The following TIAM2 variants were observed in gnomAD, a reference collection of about 807,000 sequenced individuals.
The protein encoded by TIAM2 is TIAM Rac1 associated GEF 2, also known as rho guanine nucleotide exchange factor TIAM2.
TIAM2 carries 80 observed loss-of-function variants against 152.9 expected under a neutral mutation model. The observed-to-expected ratio is 0.52, with a 90% CI of 0.44 to 0.63. TIAM2 has a LOEUF of 0.63. TIAM2 is among the 30% of genes least tolerant of loss of function. The probability of loss-of-function intolerance (pLI) is 0.00; values close to 1 mark genes in which losing one functional copy is unlikely to be tolerated. For missense variants in TIAM2, 1,965 were observed against 2,120.1 expected (o/e 0.93, Z 1.44); for synonymous variants, 804 against 838.0 (o/e 0.96, Z 0.70).
intron 21 of TIAM2, chr6:155,250,414 C>A (rs1274921628): frequency 6.3e-6 from 4 of 639,486 alleles, no homozygotes; most frequent in African/African-American, 5.6e-5. Flanking sequence ...AATTTAGAAT[C>A]TTGTGCTTCT....
chr6:155,217,761 G>A (rs985570141), intron 15 of TIAM2, among the ~76,000 whole-genome samples: 1 of 152,192 alleles, frequency 6.6e-6, no homozygotes, highest in African/African-American at 2.4e-5. Flanking sequence ...CGTGACAACT[G>A]TGTGTTGTGC....
chr6:155,030,830 A>C (rs1335107368), intron 1 of TIAM2, among the ~76,000 whole-genome samples: 1 of 152,184 alleles, frequency 6.6e-6, no homozygotes, highest in Non-Finnish European at 1.5e-5. Context: ...CCAGACAATG[A>C]GATTAAATCT....
At chr6:155,143,618 T>C (rs1779760458) in intron 5 of TIAM2, among the ~76,000 whole-genome samples, 1 of 152,204 alleles carries the variant, frequency 6.6e-6, no homozygotes, top group Non-Finnish European at 1.5e-5. Context: ...CTAGGTATGT[T>C]CAGTTTCTTG....
rs1779327480 is a variant in TIAM2 at position 155,127,618 on chromosome 6, G to T, written c.-7+18G>T. On this transcript the variant is annotated intron_variant, in intron 3 of 26. Coordinates refer to ENST00000682666, the MANE Select transcript of TIAM2 (RefSeq NM_012454.4). ...GACGTCAGGTAAACCCAACCCTTGT[G>T]CCTGGGGGTCACGTCAAGTTGCATG... 2.2e-6 allele frequency: 1 copy of T among 456,000 alleles called. No individual in the cohort carries two copies. Among genetic ancestry groups the T allele is most frequent in the Non-Finnish European group, 4.4e-6 (1 of 226,800 alleles). The allele number at this position is 456,000 out of a possible 1,614,324, so 28.2% of individuals were successfully genotyped here. A position where few individuals can be genotyped will look rare whatever the true frequency, so the allele number is the denominator to read the frequency against.
At chr6:155,052,776 A>C (rs78988049) in intron 1 of TIAM2, among the ~76,000 whole-genome samples, 2 of 49,558 alleles carry the variant, frequency 4.0e-5, no homozygotes, top group African/African-American at 1.5e-4. Context: ...TCCATCTCAA[A>C]AAAAAAAAAA....
intron 1 of TIAM2, among the ~76,000 whole-genome samples, chr6:155,086,029 A>G (rs1221524330): frequency 6.6e-6 from 1 of 152,208 alleles, no homozygotes; most frequent in East Asian, 1.9e-4. Context: ...TCTCCCTTAA[A>G]ATGGGACTTT....
At chr6:155,187,907 T>G (rs972055316) in intron 14 of TIAM2, among the ~76,000 whole-genome samples, 1 of 152,044 alleles carries the variant, frequency 6.6e-6, no homozygotes, top group Non-Finnish European at 1.5e-5. Context: ...TGCGCAGGTG[T>G]GGAAAGCAGC....
rs570399633 is a variant in TIAM2, at chr6:155,155,013, A to G, written c.2028+6679A>G. Among the ~76,000 whole-genome samples the G allele has an allele frequency of 7.9e-5, 12 of 152,314 alleles. No individual in the cohort carries two copies. The East Asian group carries it at 2.1e-3, about 27-fold the overall frequency. On this transcript the variant is annotated intron_variant, in intron 7 of 26. Coordinates refer to ENST00000682666, the MANE Select transcript of TIAM2 (RefSeq NM_012454.4). ...GGGGAAGCAGTTTGAGGAACAAACC[A>G]CTGGAGTGTAGCATATTTGTGAGGG...
intron 1 of TIAM2, among the ~76,000 whole-genome samples, chr6:155,087,753 A>G (rs1469478439): frequency 6.6e-6 from 1 of 152,196 alleles, no homozygotes; most frequent in Non-Finnish European, 1.5e-5. Context: ...CATCTCAAAA[A>G]ATGAAATAAA....
chr6:155,106,267 C>T (rs4307182), intron 2 of TIAM2, among the ~76,000 whole-genome samples: 1 of 151,800 alleles, frequency 6.6e-6, no homozygotes, highest in East Asian at 1.9e-4. Flanking sequence ...GGCCTCCCAA[C>T]GTGCTGGGAT....
At chr6:155,146,457 C>T (rs1779820508) in intron 6 of TIAM2, among the ~76,000 whole-genome samples, 1 of 152,132 alleles carries the variant, frequency 6.6e-6, no homozygotes, top group Admixed American at 6.6e-5. Flanking sequence ...GACCCTGTGA[C>T]TCGAATGTGT....
At chr6:155,232,752 G>C (rs1782541018) in intron 15 of TIAM2, 1 of 152,150 alleles carries the variant, frequency 6.6e-6, no homozygotes, top group Non-Finnish European at 1.5e-5. Context: ...AGATCATACT[G>C]CAAAGTGACG....
intron 2 of TIAM2, among the ~76,000 whole-genome samples, chr6:155,110,457 T>C (rs936194533): frequency 2.6e-5 from 4 of 152,130 alleles, no homozygotes; most frequent in Non-Finnish European, 5.9e-5. Context: ...TCCCATAGCC[T>C]AGTCAAATTC....
At position 155,250,921 on chromosome 6, in the gene TIAM2, A is replaced by C. The variant is rs1291221482; in HGVS notation, c.3960A>C (p.Glu1320Asp). The change falls in exon 22 of 27, where the codon GAA (glutamate) becomes GAC (aspartate). Residue 1320 changes from glutamate to aspartate, a missense_variant. Glu to Asp is a conservative substitution (Grantham distance 45). Transcript: ENST00000682666. The part of the protein sequence containing the change: ...EQSGTEKEVT[E>D]LSMGELLMHS... ...CTGTTTTTACAATCTAGGTAACAGA[A>C]CTTTCGATGGGAGAGCTTCTGATGC... 8.1e-6 allele frequency: 13 copies of C among 1,614,062 alleles called. No homozygotes were observed. The highest frequency in any genetic ancestry group is 1.1e-5 in the South Asian group (1 of 91,090).
At chr6:155,250,772 G>T (rs1783606972) in intron 21 of TIAM2, 141 bp from the exon 22 acceptor site, 4 of 1,116,734 alleles carry the variant, frequency 3.6e-6, no homozygotes, top group Admixed American at 2.1e-5. Context: ...ACCGTTTAAG[G>T]CCCCATGTTT....
chr6:155,256,562 T>C lies in TIAM2; in HGVS notation c.4547T>C (p.Leu1516Pro), dbSNP rs1325668535. Reference protein sequence around the residue: ...WTGETGKGTLLDSDEGSLSSG... With the variant: ...WTGETGKGTLPDSDEGSLSSG... ...GGTGAGACTGGCAAGGGAACCTTGC[T>C]GGACTCTGACGAGGGCAGCTTGAGC... is the stretch of plus-strand genomic sequence containing the variant. The change falls in exon 27 of 27, where the codon CTG (leucine) becomes CCG (proline). Residue 1516 changes from leucine (L) to proline (P), a missense_variant. Physicochemically the swap from Leu to Pro is moderately conservative, Grantham distance 98. Around this residue, in one of 3 missense-constraint regions of TIAM2, gnomAD observed 935 missense variants for 980.0 expected, o/e 0.95. Transcript: ENST00000682666. 1.9e-6 allele frequency: 3 copies of C among 1,614,220 alleles called. No homozygotes were observed. The highest frequency in any genetic ancestry group is 2.2e-5 in the South Asian group (2 of 91,088).
intron 1 of TIAM2, among the ~76,000 whole-genome samples, chr6:155,075,280 A>G (rs1037139508): frequency 6.6e-6 from 1 of 151,778 alleles, no homozygotes; most frequent in African/African-American, 2.4e-5. Context: ...AAATGTAGCT[A>G]TGGTCTGTTG....
rs201194214 is a variant in TIAM2 at position 155,249,888 on chromosome 6, C to T, written c.3870C>T (p.Ile1290=). 57 of 1,613,972 alleles carry T rather than the reference C, an allele frequency of 3.5e-5. No homozygotes were observed. Among genetic ancestry groups the T allele is most frequent in the Non-Finnish European group, 4.7e-5 (55 of 1,180,000 alleles). Residue 1290 remains isoleucine (I), a synonymous_variant, in exon 21 of 27, where the codon ATC becomes ATT. Transcript: ENST00000682666. ...LKAMEKVASH[I]NEMQKIYEDY... ...CAATGGAGAAAGTAGCGAGCCACAT[C>T]AATGAGATGCAGAAGATCTATGAGG...
intron 1 of TIAM2, among the ~76,000 whole-genome samples, chr6:155,071,553 A>G (rs923223260): frequency 6.6e-6 from 1 of 152,250 alleles, no homozygotes; most frequent in Non-Finnish European, 1.5e-5. Flanking sequence ...TACTTCCTGC[A>G]TAGCATGGTA....
Sources: gnomAD v4.1 joint callset for allele counts (sites outside exome capture counted in the v4.1 genomes callset) on GRCh38, gnomAD v4.1.1 for gene constraint, gnomAD v4.1.1 regional missense constraint, MANE v1.5 for transcripts, NCBI Gene and HGNC (gene_info 2026-07-23, HGNC 2026-07-21) for gene names.